Variants in FBXL13 observed in about 807,000 individuals in gnomAD.
The protein encoded by FBXL13 is F-box and leucine rich repeat protein 13, also known as F-box and leucine-rich repeat protein 13.
FBXL13 carries 67 observed loss-of-function variants against 83.6 expected under a neutral mutation model. That is an observed-to-expected ratio of 0.80 (90% confidence interval 0.66 to 0.98). The LOEUF is 0.98. FBXL13 is among the 50% of genes least tolerant of loss of function. The pLI, the probability that FBXL13 is intolerant of heterozygous loss-of-function variation, is 0.00. For missense variants in FBXL13, 822 were observed against 866.5 expected (o/e 0.95, Z 0.64); for synonymous variants, 272 against 299.5 (o/e 0.91, Z 0.95).
chr7:102,915,121 TA>T (rs1050713077), intron 10 of FBXL13, among the ~76,000 whole-genome samples: 29 of 139,184 alleles, frequency 2.1e-4, no homozygotes, highest in African/African-American at 4.0e-4. Flanking sequence ...GAGATTAAAA[TA>T]TTTTTTTTTT....
chr7:102,889,883 G>A lies in FBXL13; in HGVS notation c.1009-5571C>T, dbSNP rs77288975. Among the ~76,000 whole-genome samples the A allele has an allele frequency of 3.8e-3, 577 of 151,882 alleles. 5 individuals carry two copies. The highest frequency in any genetic ancestry group is 0.014 in the African/African-American group (570 of 41,374). On this transcript the variant is annotated intron_variant, in intron 11 of 19. Coordinates refer to ENST00000313221, the Ensembl canonical transcript of FBXL13. ...CTTGCTGTCTTTGTAACACGTTCAT[G>A]ACAAGATTTCCTGAACAAGAGGGAA... is the stretch of plus-strand genomic sequence containing the variant.
intron 18 of FBXL13, among the ~76,000 whole-genome samples, chr7:102,828,279 T>A (rs1263759573): frequency 6.6e-6 from 1 of 152,074 alleles, no homozygotes; most frequent in Non-Finnish European, 1.5e-5. Flanking sequence ...TTTGTAGTTC[T>A]CCTTGAAGAG....
chr7:102,960,836 A>C (rs2129478718), intron 8 of FBXL13, among the ~76,000 whole-genome samples: 1 of 151,720 alleles, frequency 6.6e-6, no homozygotes, highest in South Asian at 2.1e-4. Flanking sequence ...GACGTATTTC[A>C]AAATAATAAG....
At chr7:102,986,125 TGGGAA>T (rs1338994249) in intron 6 of FBXL13, among the ~76,000 whole-genome samples, 3 of 151,878 alleles carry the variant, frequency 2.0e-5, no homozygotes, top group African/African-American at 7.3e-5. Context: ...CCAGAAGAAA[TGGGAA>T]GACATTAAGG....
At chr7:102,852,339 CTTAA>C (rs1454090269) in intron 17 of FBXL13, among the ~76,000 whole-genome samples, 2 of 152,022 alleles carry the variant, frequency 1.3e-5, no homozygotes, top group African/African-American at 4.8e-5. Context: ...TCAATTTGTA[CTTAA>C]TTAAACTAAA....
intron 6 of FBXL13, among the ~76,000 whole-genome samples, chr7:103,024,835 A>ATG (rs1357818960): frequency 4.2e-5 from 4 of 95,490 alleles, no homozygotes; most frequent in Non-Finnish European, 5.5e-5. Flanking sequence ...ATATATGTGT[A>ATG]TATATATATA....
At chr7:102,974,861 C>A (rs1312447159) in intron 6 of FBXL13, among the ~76,000 whole-genome samples, 1 of 152,106 alleles carries the variant, frequency 6.6e-6, no homozygotes, top group Admixed American at 6.6e-5. Flanking sequence ...CTTCCCAGCC[C>A]CCATCTTCCC....
At chr7:102,977,523 T>C (rs1313553352) in intron 6 of FBXL13, among the ~76,000 whole-genome samples, 1 of 152,212 alleles carries the variant, frequency 6.6e-6, no homozygotes, top group Non-Finnish European at 1.5e-5. Context: ...AGGATGTTTC[T>C]CTAATTTAGA....
intron 6 of FBXL13, among the ~76,000 whole-genome samples, chr7:103,009,655 T>G (rs1049558698): frequency 1.3e-5 from 2 of 152,232 alleles, no homozygotes; most frequent in African/African-American, 4.8e-5. Flanking sequence ...ATAGCCCCAG[T>G]AGAGGCTGCA....
At chr7:103,048,466 T>C (rs180985671) in intron 2 of FBXL13, among the ~76,000 whole-genome samples, 1 of 152,114 alleles carries the variant, frequency 6.6e-6, no homozygotes, top group East Asian at 1.9e-4. Flanking sequence ...CCTTTTAATA[T>C]TACATGAAAA....
At chr7:102,900,357 A>G (rs1305660978) in intron 11 of FBXL13, among the ~76,000 whole-genome samples, 4 of 152,224 alleles carry the variant, frequency 2.6e-5, no homozygotes, top group African/African-American at 9.6e-5. Context: ...GCCAGCAAAA[A>G]GCATTTAGGT....
At chr7:102,956,538 A>G (rs1351432293) in intron 8 of FBXL13, among the ~76,000 whole-genome samples, 3 of 152,196 alleles carry the variant, frequency 2.0e-5, no homozygotes, top group Non-Finnish European at 1.5e-5. Flanking sequence ...GGCCAGGGCA[A>G]TCAGGCAAGA....
At chr7:102,997,586 C>T (rs981812388) in intron 6 of FBXL13, among the ~76,000 whole-genome samples, 6 of 152,164 alleles carry the variant, frequency 3.9e-5, no homozygotes, top group Non-Finnish European at 5.9e-5. Flanking sequence ...CCCTACCTTT[C>T]CCAGACTCTG....
chr7:103,022,703 C>T (rs1194104327), intron 6 of FBXL13, among the ~76,000 whole-genome samples: 3 of 152,136 alleles, frequency 2.0e-5, no homozygotes, highest in Non-Finnish European at 4.4e-5. Flanking sequence ...AAATGTAAAA[C>T]TTAAAACTAT....
At chr7:102,976,011 G>T in intron 6 of FBXL13, 1 of 766,420 alleles carries the variant, frequency 1.3e-6, no homozygotes, top group South Asian at 1.3e-5. Context: ...CCCAAACCCA[G>T]GTAAACCCAC....
chr7:103,072,861 G>A (rs1799109436), intron 1 of FBXL13, among the ~76,000 whole-genome samples: 1 of 152,154 alleles, frequency 6.6e-6, no homozygotes, highest in Admixed American at 6.5e-5. Flanking sequence ...AGATACTCAG[G>A]AGCTTAGCTC....
At chr7:102,895,443 T>C (rs899193111) in intron 11 of FBXL13, among the ~76,000 whole-genome samples, 7 of 152,194 alleles carry the variant, frequency 4.6e-5, no homozygotes, top group African/African-American at 1.7e-4. Flanking sequence ...AACATATAAA[T>C]CTGAAACACG....
At chr7:102,929,663 CAAAAAAA>C (rs35025022) in intron 9 of FBXL13, among the ~76,000 whole-genome samples, 3 of 91,482 alleles carry the variant, frequency 3.3e-5, no homozygotes, top group South Asian at 8.5e-4. Context: ...GACTCCATCT[CAAAAAAA>C]AAAAAAAAAA....
intron 17 of FBXL13, 92 bp from the exon 19 acceptor site, chr7:102,833,066 C>A: frequency 4.5e-6 from 6 of 1,331,172 alleles, no homozygotes; most frequent in Non-Finnish European, 5.1e-6. Flanking sequence ...CATTTCAGTC[C>A]CTGAAATACA....
Sources: gnomAD v4.1 joint callset for allele counts (sites outside exome capture counted in the v4.1 genomes callset) on GRCh38, gnomAD v4.1.1 for gene constraint, MANE v1.5 for transcripts, NCBI Gene and HGNC (gene_info 2026-07-23, HGNC 2026-07-21) for gene names.